Variants in KCNT2 observed in about 807,000 individuals in gnomAD.
The protein encoded by KCNT2 is potassium channel subfamily T member 2.
KCNT2 carries 67 observed loss-of-function variants against 153.8 expected under a neutral mutation model. The observed-to-expected ratio is 0.44, with a 90% CI of 0.36 to 0.53. The LOEUF is 0.53. KCNT2 is among the 20% of genes least tolerant of loss of function. The pLI is 0.00. For missense variants in KCNT2, 975 were observed against 1,354.8 expected (o/e 0.72, Z 4.40); for synonymous variants, 500 against 458.8 (o/e 1.09, Z -1.15).
At chr1:196,451,407 A>ATTTTTTT (rs35621901) in intron 8 of KCNT2, among the ~76,000 whole-genome samples, 208 of 62,846 alleles carry the variant, frequency 3.3e-3, no homozygotes, top group African/African-American at 6.5e-3. Flanking sequence ...CACCCAACAC[A>ATTTTTTT]TTTTTTTTTT....
At chr1:196,324,537 T>A (rs1166031832) in intron 19 of KCNT2, among the ~76,000 whole-genome samples, 1 of 152,044 alleles carries the variant, frequency 6.6e-6, no homozygotes, top group African/African-American at 2.4e-5. Context: ...CACATCTCTC[T>A]AAGACTAAAT....
At chr1:196,450,017 T>C (rs1226840952) in intron 8 of KCNT2, among the ~76,000 whole-genome samples, 1 of 151,778 alleles carries the variant, frequency 6.6e-6, no homozygotes, top group Non-Finnish European at 1.5e-5. Context: ...AAGGGCTGTG[T>C]TTGAAGAAGT....
intron 25 of KCNT2, among the ~76,000 whole-genome samples, chr1:196,276,638 GGT>G (rs1251959093): frequency 6.6e-6 from 1 of 151,798 alleles, no homozygotes; most frequent in Non-Finnish European, 1.5e-5. Context: ...CATTCATTCT[GGT>G]GGGAGTAGTT....
intron 1 of KCNT2, among the ~76,000 whole-genome samples, chr1:196,602,887 C>CGCCATTCTCCTGCCTCA (rs1228046878): frequency 6.7e-6 from 1 of 148,796 alleles, no homozygotes; most frequent in African/African-American, 2.5e-5. Flanking sequence ...CCCAGGTTCA[C>CGCCATTCTCCTGCCTCA]GCCATTCTCC....
intron 22 of KCNT2, among the ~76,000 whole-genome samples, chr1:196,287,034 C>T (rs946961022): frequency 2.0e-5 from 3 of 151,962 alleles, no homozygotes; most frequent in Non-Finnish European, 4.4e-5. Context: ...GGAAGGGAAG[C>T]CTCCCATCTC....
At chr1:196,449,485 G>A (rs1675967704) in intron 8 of KCNT2, among the ~76,000 whole-genome samples, 1 of 151,694 alleles carries the variant, frequency 6.6e-6, no homozygotes, top group South Asian at 2.1e-4. Flanking sequence ...CAAGATGTTA[G>A]TGGAAGATAA....
chr1:196,430,189 C>T (rs1005777017), intron 8 of KCNT2, among the ~76,000 whole-genome samples: 42 of 151,786 alleles, frequency 2.8e-4, no homozygotes, highest in African/African-American at 9.0e-4. Context: ...CAGTAAAAGG[C>T]TTGAGGAGTT....
Position 196,353,119 on chromosome 1 carries a change from A to G in KCNT2, c.1404-10891T>C, listed in dbSNP as rs148753378. Among the ~76,000 whole-genome samples, 15 of 152,044 alleles carry G rather than the reference A, an allele frequency of 9.9e-5. No individual in the cohort carries two copies. The East Asian group carries it at 2.9e-3, about 30-fold the overall frequency. On this transcript the variant is annotated intron_variant, in intron 14 of 27. Coordinates refer to ENST00000294725, the MANE Select transcript of KCNT2 (RefSeq NM_198503.5). ...CGCGCAAGAGTATGGGCTGCTCCAC[A>G]GCAGTCTCTACTCCCTTACTTGTCA...
At chr1:196,592,720 T>A (rs1001071924) in intron 1 of KCNT2, among the ~76,000 whole-genome samples, 4 of 147,024 alleles carry the variant, frequency 2.7e-5, no homozygotes, top group African/African-American at 9.8e-5. Context: ...TATATAAATA[T>A]ATATATACAT....
chr1:196,231,301 T>C (rs1653931125), intron 27 of KCNT2, among the ~76,000 whole-genome samples: 1 of 151,886 alleles, frequency 6.6e-6, no homozygotes, highest in Non-Finnish European at 1.5e-5. Flanking sequence ...AAAATTCAAG[T>C]GACTGGCTTG....
At position 196,340,441 on chromosome 1, in the gene KCNT2, T is replaced by C. The variant is rs1665507048; in HGVS notation, c.1683A>G (p.Ser561=). ...FYINITKEEN[S]AFKNQDQQRK... is the part of the protein sequence containing the mutation. ...TCTGCTGGTCTTGGTTTTTAAATGC[T>C]GAATTCTCTTCTTTGGTAATATTAA... Residue 561 remains serine (S), a synonymous_variant, in exon 16 of 28, where the codon TCA becomes TCG. Transcript: ENST00000294725. The C allele has an allele frequency of 6.2e-7, 1 of 1,612,568 alleles. No homozygotes were observed. Among genetic ancestry groups the C allele is most frequent in the African/African-American group, 1.3e-5 (1 of 74,856 alleles).
At chr1:196,232,081 A>G (rs1654005770) in intron 27 of KCNT2, among the ~76,000 whole-genome samples, 1 of 151,866 alleles carries the variant, frequency 6.6e-6, no homozygotes, top group African/African-American at 2.4e-5. Context: ...AGAAAAGGCA[A>G]TCAAAAACAC....
chr1:196,532,233 A>G (rs1164498621), intron 1 of KCNT2, among the ~76,000 whole-genome samples: 11 of 152,066 alleles, frequency 7.2e-5, no homozygotes, highest in Admixed American at 7.2e-4. Context: ...GCTGCCAGGA[A>G]CAATTCATTC....
At chr1:196,263,629 T>A (rs937158944) in intron 25 of KCNT2, among the ~76,000 whole-genome samples, 1 of 152,132 alleles carries the variant, frequency 6.6e-6, no homozygotes, top group Non-Finnish European at 1.5e-5. Context: ...TACCTCAGCA[T>A]TCCAATTCTA....
At chr1:196,416,086 T>C (rs566599840) in intron 12 of KCNT2, among the ~76,000 whole-genome samples, 1 of 144,780 alleles carries the variant, frequency 6.9e-6, no homozygotes, top group Non-Finnish European at 1.5e-5. Flanking sequence ...ACCCAGGACA[T>C]GAATTATCCT....
At chr1:196,238,649 C>T (rs1654667409) in intron 26 of KCNT2, among the ~76,000 whole-genome samples, 1 of 151,854 alleles carries the variant, frequency 6.6e-6, no homozygotes, top group Admixed American at 6.6e-5. Context: ...CTCTGCCATG[C>T]TGCTTTGCAC....
intron 25 of KCNT2, among the ~76,000 whole-genome samples, chr1:196,280,005 C>T (rs1318058083): frequency 6.6e-6 from 1 of 151,162 alleles, no homozygotes; most frequent in Non-Finnish European, 1.5e-5. Flanking sequence ...TTGTATCAGA[C>T]CAAAAAAAAT....
chr1:196,521,819 A>G (rs1377519684), intron 1 of KCNT2, among the ~76,000 whole-genome samples: 2 of 152,158 alleles, frequency 1.3e-5, no homozygotes, highest in African/African-American at 4.8e-5. Context: ...GAGGAGGGAG[A>G]GGATCAGAAA....
chr1:196,294,832 T>G (rs1558112747), intron 22 of KCNT2, among the ~76,000 whole-genome samples: 2 of 150,136 alleles, frequency 1.3e-5, no homozygotes, highest in African/African-American at 4.9e-5. Context: ...CTATTTTGCC[T>G]AAAAAAAAAT....
Sources: allele counts gnomAD v4.1 joint callset (sites outside exome capture counted in the v4.1 genomes callset), GRCh38; gene constraint gnomAD v4.1.1; transcripts MANE v1.5; gene names NCBI Gene and HGNC (gene_info 2026-07-23, HGNC 2026-07-21).